Variants in FAAH2 observed in about 807,000 individuals in gnomAD.
FAAH2 encodes fatty acid amide hydrolase 2.
FAAH2 carries 60 observed loss-of-function variants against 36.9 expected under a neutral mutation model. That is an observed-to-expected ratio of 1.63 (90% CI 1.32 to 2.02). FAAH2 has a LOEUF of 2.02. FAAH2 is among the 30% of genes most tolerant of loss of function. The pLI is 0.00. For missense variants in FAAH2, 689 were observed against 397.5 expected, an observed-to-expected ratio of 1.73 and a Z score of -6.23; for synonymous variants, 214 against 143.8, an observed-to-expected ratio of 1.49 and a Z score of -3.49.
intron 7 of FAAH2, among the ~76,000 whole-genome samples, chrX:57,390,406 AAGTTTGGGCTTCTAGTGTACC>A (rs2055137115): frequency 1.8e-5 from 2 of 111,270 alleles, no homozygotes; most frequent in Non-Finnish European, 1.9e-5. Context: ...TGTAATGGTG[AAGTTTGGGCTTCTAGTGTACC>A]AGTCATGCAA....
At chrX:57,429,698 T>C (rs1025385270) in intron 7 of FAAH2, among the ~76,000 whole-genome samples, 2 of 108,985 alleles carry the variant, frequency 1.8e-5, no homozygotes, top group Non-Finnish European at 3.8e-5. Context: ...CAAAGGGAAA[T>C]AAATTTTATA....
At chrX:57,357,805 TACCATTTG>T (rs2054195934) in intron 5 of FAAH2, among the ~76,000 whole-genome samples, 1 of 111,424 alleles carries the variant, frequency 9.0e-6, no homozygotes, top group Non-Finnish European at 1.9e-5. Flanking sequence ...GAACCAGAAA[TACCATTTG>T]ACCCAGCAAT....
At chrX:57,419,990 T>G (rs1342627292) in intron 7 of FAAH2, among the ~76,000 whole-genome samples, 1 of 111,646 alleles carries the variant, frequency 9.0e-6, no homozygotes, top group African/African-American at 3.2e-5. Context: ...TTTCCCCATT[T>G]CTGGTTTTTC....
chrX:57,421,347 G>T (rs1242678331), intron 7 of FAAH2, among the ~76,000 whole-genome samples: 1 of 112,178 alleles, frequency 8.9e-6, no homozygotes, highest in Non-Finnish European at 1.9e-5. Context: ...AGCTACTCAG[G>T]TGGGTGAGAC....
rs187115439 is a variant in FAAH2, at chrX:57,389,519, T to C, written c.996+8490T>C. 8.2e-5 allele frequency among the ~76,000 whole-genome samples: 9 copies of C among 109,365 alleles called. No homozygotes were observed. In the East Asian group the frequency reaches 1.4e-3, roughly 17 times the overall value. The allele number at this position is 109,365 out of a possible 115,157, so 95.0% of individuals were successfully genotyped here. ...TTTATTTCACTTAACATAATGCCCT[T>C]CAGGTCCATCTATATTGTTGAAAAT... On this transcript the variant is annotated intron_variant, in intron 7 of 10. Coordinates refer to ENST00000374900, the MANE Select transcript of FAAH2 (RefSeq NM_174912.4).
At chrX:57,261,412 G>A in the FAAH2 span, among the ~76,000 whole-genome samples, 634 of 108,779 alleles carry the variant, frequency 5.8e-3, 4 homozygotes, top group Middle Eastern at 0.019. Flanking sequence ...AATTAGCTGG[G>A]CATGGTGGTG....
chrX:57,178,462 C>T, the FAAH2 span, among the ~76,000 whole-genome samples: 1 of 111,269 alleles, frequency 9.0e-6, no homozygotes, highest in Non-Finnish European at 1.9e-5. Flanking sequence ...TTCTATGTTA[C>T]CCAGAAGAGG....
At chrX:57,367,533 G>A (rs2054448548) in intron 5 of FAAH2, among the ~76,000 whole-genome samples, 1 of 112,173 alleles carries the variant, frequency 8.9e-6, no homozygotes, top group Admixed American at 9.4e-5. Context: ...CATAAAACAA[G>A]GGCAAAAACA....
chrX:57,349,510 CATAT>C (rs1346288677), intron 5 of FAAH2, among the ~76,000 whole-genome samples: 1 of 100,939 alleles, frequency 9.9e-6, no homozygotes, highest in Admixed American at 1.1e-4. Context: ...CATATATACA[CATAT>C]ATAATGTTTT....
intron 4 of FAAH2, among the ~76,000 whole-genome samples, chrX:57,334,268 T>TCACACACACACACACACACA (rs60873866): frequency 0.034 from 2,927 of 85,613 alleles, 66 homozygotes; most frequent in South Asian, 0.049. Context: ...AGATTCCGTC[T>TCACACACACACACACACACA]CACACACACA....
At chrX:57,348,071 C>G (rs1005252082) in intron 5 of FAAH2, among the ~76,000 whole-genome samples, 1 of 110,432 alleles carries the variant, frequency 9.1e-6, no homozygotes, top group Non-Finnish European at 1.9e-5. Context: ...ATTTTAGGTG[C>G]TCCAGGCTGC....
the FAAH2 span, among the ~76,000 whole-genome samples, chrX:57,218,751 G>A: frequency 8.9e-6 from 1 of 111,897 alleles, no homozygotes; most frequent in Admixed American, 9.4e-5. Context: ...TATATATCTT[G>A]TGGAATAATG....
the FAAH2 span, among the ~76,000 whole-genome samples, chrX:57,281,194 G>A: frequency 1.8e-5 from 2 of 111,372 alleles, no homozygotes; most frequent in Non-Finnish European, 3.8e-5. Flanking sequence ...TACCATTGGG[G>A]GAAAATGAGT....
chrX:57,138,410 T>A, the FAAH2 span, among the ~76,000 whole-genome samples: 1 of 109,995 alleles, frequency 9.1e-6, no homozygotes, highest in Non-Finnish European at 1.9e-5. Flanking sequence ...TATGGTGGAA[T>A]AATATTTTAT....
chrX:57,366,519 G>A (rs750315304), intron 5 of FAAH2, among the ~76,000 whole-genome samples: 15 of 112,418 alleles, frequency 1.3e-4, no homozygotes, highest in Non-Finnish European at 2.6e-4. Context: ...ATGGGTGCAC[G>A]CCAGTGGGGC....
intron 5 of FAAH2, among the ~76,000 whole-genome samples, chrX:57,365,727 G>T (rs1418381533): frequency 8.9e-6 from 1 of 111,823 alleles, no homozygotes; most frequent in Non-Finnish European, 1.9e-5. Context: ...ATAGAATCCT[G>T]CATTTCTCAG....
chrX:57,477,849 T>A (rs1341673392), intron 10 of FAAH2, among the ~76,000 whole-genome samples: 1 of 111,893 alleles, frequency 8.9e-6, no homozygotes, highest in African/African-American at 3.2e-5. Context: ...TAGTATTCCA[T>A]GGTGTATGTG....
intron 10 of FAAH2, among the ~76,000 whole-genome samples, chrX:57,463,597 G>A (rs960128487): frequency 9.0e-6 from 1 of 110,948 alleles, no homozygotes; most frequent in East Asian, 2.8e-4. Flanking sequence ...GGGAAAACTG[G>A]CTAAACAGAC....
rs933185581 is a variant in FAAH2, at chrX:57,393,074, C to A, written c.996+12045C>A. 4 of 927,409 alleles carry A rather than the reference C, an allele frequency of 4.3e-6. No homozygotes were observed. The East Asian group carries it at 1.2e-4, about 29-fold the overall frequency. 76.4% of individuals were successfully genotyped at this position (927,409 alleles called of 1,213,427 possible). On this transcript the variant is annotated intron_variant, in intron 7 of 10. Coordinates refer to ENST00000374900, the MANE Select transcript of FAAH2 (RefSeq NM_174912.4). ...GAGCCAGGGCTAAGGTACCCTTGCCCCCTTCTGCCAGTGAGTGCACTTCAC... is the reference window on the plus strand; with the variant it reads ...GAGCCAGGGCTAAGGTACCCTTGCCACCTTCTGCCAGTGAGTGCACTTCAC...
Sources: gnomAD v4.1 joint callset for allele counts (sites outside exome capture counted in the v4.1 genomes callset) on GRCh38, gnomAD v4.1.1 for gene constraint, MANE v1.5 for transcripts, NCBI Gene and HGNC (gene_info 2026-07-23, HGNC 2026-07-21) for gene names.